The following UBE2D4 variants were observed in gnomAD, a reference collection of about 807,000 sequenced individuals.
The protein encoded by UBE2D4 is ubiquitin-conjugating enzyme E2 D4.
A neutral mutation model predicts 23.0 loss-of-function variants in UBE2D4; 17 were observed. That is an observed-to-expected ratio of 0.74 (90% CI 0.51 to 1.11). The LOEUF (loss-of-function observed/expected upper bound fraction) is 1.11. Ranked by LOEUF, UBE2D4 falls within the 50% of genes least tolerant of loss-of-function variation. UBE2D4 has a pLI of 0.00. For synonymous variants in UBE2D4, 61 were observed against 69.4 expected, an observed-to-expected ratio of 0.88 and a Z score of 0.60; for missense variants, 139 against 181.8, an observed-to-expected ratio of 0.76 and a Z score of 1.35.
chr7:43,932,745 A>T (rs1394684568), intron 1 of UBE2D4, among the ~76,000 whole-genome samples: 1 of 152,090 alleles, frequency 6.6e-6, no homozygotes, highest in Non-Finnish European at 1.5e-5. Flanking sequence ...GTGAACCAAG[A>T]TGGCGCCACG....
At chr7:43,928,304 G>A (rs781014714) in intron 1 of UBE2D4, among the ~76,000 whole-genome samples, 7 of 152,116 alleles carry the variant, frequency 4.6e-5, no homozygotes, top group Non-Finnish European at 1.0e-4. Context: ...ATGAGATTTG[G>A]GGGGGACAAA....
chr7:43,929,065 G>A (rs1381361255), intron 1 of UBE2D4, among the ~76,000 whole-genome samples: 1 of 152,172 alleles, frequency 6.6e-6, no homozygotes, highest in African/African-American at 2.4e-5. Flanking sequence ...GCCGAGGCAG[G>A]TGGATTGCTT....
At chr7:43,935,696 C>G (rs1484180870) in intron 1 of UBE2D4, among the ~76,000 whole-genome samples, 3 of 152,190 alleles carry the variant, frequency 2.0e-5, no homozygotes, top group Non-Finnish European at 2.9e-5. Flanking sequence ...TGAAGAAGAT[C>G]TAAGTCTTGA....
Position 43,926,622 on chromosome 7 carries a change from CTGCCGTGAAGTGAAAGG to C in UBE2D4, c.24+69_24+85del, listed in dbSNP as rs565080607. ...GCGTCGAGGTGTGGGCGGGGCGCCGCTGCCGTGAAGTGAAAGGTGACGGAGGCTCCGCGAGTCGCGGA... is the reference window on the plus strand; with the variant it reads ...GCGTCGAGGTGTGGGCGGGGCGCCGCTGACGGAGGCTCCGCGAGTCGCGGA... On this transcript the variant is annotated intron_variant, in intron 1 of 6. Coordinates refer to ENST00000222402, the MANE Select transcript of UBE2D4 (RefSeq NM_015983.4). The C allele has an allele frequency of 1.1e-3, 1,650 of 1,487,904 alleles. 35 individuals carry two copies. In the South Asian group the frequency reaches 0.02, roughly 18 times the overall value. 92.2% of individuals were successfully genotyped at this position (1,487,904 alleles called of 1,614,324 possible).
chr7:43,937,492 T>C (rs1478489807), intron 1 of UBE2D4, among the ~76,000 whole-genome samples: 1 of 152,210 alleles, frequency 6.6e-6, no homozygotes, highest in Non-Finnish European at 1.5e-5. Flanking sequence ...GTATAATTCA[T>C]TTTACTTATG....
At chr7:43,939,336 G>A (rs2095965848) in intron 2 of UBE2D4, among the ~76,000 whole-genome samples, 1 of 152,254 alleles carries the variant, frequency 6.6e-6, no homozygotes, top group African/African-American at 2.4e-5. Flanking sequence ...GGGAGAGAGA[G>A]GGAGAAGCAG....
At position 43,948,589 on chromosome 7, in the gene UBE2D4, C is replaced by T. The variant is rs62458690; in HGVS notation, c.199-43C>T. ...TGCTTTACTTGGTTCATTTCCCACA[C>T]GTCCCTGTGGTTTGTCTGATTGGGG... On this transcript the variant is annotated intron_variant, in intron 4 of 6. Transcript: ENST00000222402. 0.13 allele frequency: 163,766 copies of T among 1,308,780 alleles called. 11,229 individuals are homozygous for T. The highest frequency in any genetic ancestry group is 0.21 in the Admixed American group (12,201 of 57,126). 81.1% of individuals were successfully genotyped at this position (1,308,780 alleles called of 1,614,324 possible).
At chr7:43,951,984 TC>T (rs1448272703) in intron 6 of UBE2D4, 1 of 152,238 alleles carries the variant, frequency 6.6e-6, no homozygotes, top group Non-Finnish European at 1.5e-5. Context: ...TGATTTTTTT[TC>T]AGTGCCTCTT....
intron 4 of UBE2D4, chr7:43,943,799 C>G (rs2095979075): frequency 6.6e-6 from 1 of 152,618 alleles, no homozygotes; most frequent in South Asian, 2.1e-4. Context: ...ACCTCGTACT[C>G]CTTCTCACCT....
chr7:43,933,013 T>TATATATATATATATATATATATATATAC (rs1340458201), intron 1 of UBE2D4, among the ~76,000 whole-genome samples: 1 of 116,648 alleles, frequency 8.6e-6, no homozygotes, highest in Admixed American at 8.5e-5. Context: ...TATATATATA[T>TATATATATATATATATATATATATATAC]ACACACACAT....
At chr7:43,932,006 T>C (rs563590562) in intron 1 of UBE2D4, among the ~76,000 whole-genome samples, 4 of 146,794 alleles carry the variant, frequency 2.7e-5, no homozygotes, top group Non-Finnish European at 6.0e-5. Flanking sequence ...CTTTTTTTTT[T>C]GAGACAGAGT....
At chr7:43,932,533 C>G (rs1239886471) in intron 1 of UBE2D4, among the ~76,000 whole-genome samples, 1 of 152,152 alleles carries the variant, frequency 6.6e-6, no homozygotes, top group Non-Finnish European at 1.5e-5. Flanking sequence ...TGGCTCACGC[C>G]TGTAATCTCA....
At chr7:43,942,691 C>T (rs1243173102) in intron 2 of UBE2D4, 135 bp from the exon 3 acceptor site, 19 of 1,296,774 alleles carry the variant, frequency 1.5e-5, no homozygotes, top group Non-Finnish European at 2.0e-5. Flanking sequence ...TTTGGGGAAC[C>T]CCAGTCTTGC....
At chr7:43,933,009 T>C (rs1467314097) in intron 1 of UBE2D4, among the ~76,000 whole-genome samples, 1 of 128,988 alleles carries the variant, frequency 7.8e-6, no homozygotes, top group African/African-American at 3.1e-5. Flanking sequence ...TATATATATA[T>C]ATATACACAC....
intron 2 of UBE2D4, among the ~76,000 whole-genome samples, chr7:43,938,939 T>C (rs2095964674): frequency 6.6e-6 from 1 of 152,222 alleles, no homozygotes; most frequent in South Asian, 2.1e-4. Context: ...GGCTTTTCAT[T>C]TGAGGTCTAG....
chr7:43,947,678 T>C (rs891262059), intron 4 of UBE2D4, among the ~76,000 whole-genome samples: 2 of 152,258 alleles, frequency 1.3e-5, no homozygotes, highest in African/African-American at 4.8e-5. Flanking sequence ...TAGCATGATT[T>C]ATAATCCTTT....
chr7:43,926,638 G>A, intron 1 of UBE2D4, 82 bp downstream of exon 1: 3 of 1,409,770 alleles, frequency 2.1e-6, no homozygotes, highest in South Asian at 2.9e-5. Context: ...TGAAGTGAAA[G>A]GTGACGGAGG....
chr7:43,944,002 AGGAAACTGCCC>A lies in UBE2D4; in HGVS notation c.198+972_198+982del, dbSNP rs781174066. 0.072 allele frequency: 11,036 copies of A among 152,956 alleles called. 517 individuals carry two copies. The highest frequency in any genetic ancestry group is 0.14 in the Middle Eastern group (42 of 300). 9.5% of individuals were successfully genotyped at this position (152,956 alleles called of 1,614,324 possible). On this transcript the variant is annotated intron_variant, in intron 4 of 6. Coordinates refer to ENST00000222402, the MANE Select transcript of UBE2D4 (RefSeq NM_015983.4). This position sits in a 1 kb window ranked among gnomAD's most constrained non-coding sequence, Gnocchi z 4.0. ...TCAGCAAGAGGGCGGACAGGTCCCCAGGAAACTGCCCCAGGGGAGTGAGCCTGTGAGGAGTT... is the reference window on the plus strand; with the variant it reads ...TCAGCAAGAGGGCGGACAGGTCCCCACAGGGGAGTGAGCCTGTGAGGAGTT...
rs142214605 is a variant in UBE2D4, at chr7:43,930,149, G to A, written c.24+3593G>A. On this transcript the variant is annotated intron_variant, in intron 1 of 6. Coordinates refer to ENST00000222402, the MANE Select transcript of UBE2D4 (RefSeq NM_015983.4). ...GCAGATCTTTTTTTCCCTTTGCCTT[G>A]TTATGAATTATGTCTCATGCTCATT... Among the ~76,000 whole-genome samples the A allele has an allele frequency of 3.3e-5, 5 of 152,266 alleles. No homozygotes were observed. The East Asian group carries it at 9.7e-4, about 29-fold the overall frequency.
Sources: allele counts gnomAD v4.1 joint callset (sites outside exome capture counted in the v4.1 genomes callset), GRCh38; gene constraint gnomAD v4.1.1; non-coding constraint Gnocchi (gnomAD v3.1); transcripts MANE v1.5; gene names NCBI Gene and HGNC (gene_info 2026-07-23, HGNC 2026-07-21).